Variants in ZSCAN25 observed in about 807,000 individuals in gnomAD.
The protein encoded by ZSCAN25 is zinc finger and SCAN domain-containing protein 25.
In ZSCAN25, 27 loss-of-function variants were observed where a neutral mutation model predicts 38.7. That is an observed-to-expected ratio of 0.70 (90% CI 0.51 to 0.96). The LOEUF (loss-of-function observed/expected upper bound fraction) is 0.96. ZSCAN25 is among the 40% of genes least tolerant of loss of function. The pLI is 0.00. For synonymous variants in ZSCAN25, 273 were observed against 277.7 expected, an observed-to-expected ratio of 0.98 and a Z score of 0.17; for missense variants, 637 against 705.9, an observed-to-expected ratio of 0.90 and a Z score of 1.11.
the ZSCAN25 span, chr7:99,730,821 A>G: frequency 6.0e-6 from 3 of 499,922 alleles, no homozygotes; most frequent in Non-Finnish European, 7.2e-6. Flanking sequence ...AGTTGTGAAC[A>G]TCAGATTGCT....
At chr7:99,718,634 C>G in the ZSCAN25 span, among the ~76,000 whole-genome samples, 3 of 151,908 alleles carry the variant, frequency 2.0e-5, no homozygotes, top group East Asian at 5.8e-4. Flanking sequence ...AGGAACAATT[C>G]AAAAATTCAA....
chr7:99,710,091 C>T, the ZSCAN25 span, among the ~76,000 whole-genome samples: 17 of 152,274 alleles, frequency 1.1e-4, no homozygotes, highest in Admixed American at 3.9e-4. Context: ...CCTTTGTGCT[C>T]ACCTCACTGC....
the ZSCAN25 span, chr7:99,676,079 C>T: frequency 5.8e-4 from 921 of 1,580,852 alleles, 3 homozygotes; most frequent in African/African-American, 0.011. Context: ...ATGTTTGCAA[C>T]CATAAGAAGC....
chr7:99,680,729 A>G, the ZSCAN25 span, among the ~76,000 whole-genome samples: 1 of 152,220 alleles, frequency 6.6e-6, no homozygotes, highest in Non-Finnish European at 1.5e-5. Context: ...ATGCAGCCAC[A>G]CTGTGTCCCA....
chr7:99,621,711 C>T, intron 5 of ZSCAN25, 137 bp downstream of exon 5: 1 of 630,466 alleles, frequency 1.6e-6, no homozygotes, highest in Non-Finnish European at 2.4e-6. Flanking sequence ...CTACTTCCTC[C>T]ACCTTAGGAA....
chr7:99,735,069 C>T, the ZSCAN25 span: 13 of 1,613,950 alleles, frequency 8.1e-6, no homozygotes, highest in African/African-American at 4.0e-5. Context: ...CAGGTTTCCA[C>T]GGCCAAGTTT....
the ZSCAN25 span, chr7:99,714,755 T>C: frequency 2.0e-3 from 3,146 of 1,582,188 alleles, 61 homozygotes; most frequent in African/African-American, 0.038. Flanking sequence ...CAATTCTAAT[T>C]TTCTCTACCA....
At chr7:99,737,521 A>G in the ZSCAN25 span, among the ~76,000 whole-genome samples, 1 of 152,134 alleles carries the variant, frequency 6.6e-6, no homozygotes, top group Non-Finnish European at 1.5e-5. Flanking sequence ...CGAGAGGTGC[A>G]CAGAACACAT....
the ZSCAN25 span, chr7:99,664,129 A>G: frequency 6.6e-7 from 1 of 1,520,048 alleles, no homozygotes; most frequent in Non-Finnish European, 8.9e-7. Context: ...AAAGGAAATC[A>G]TTGAAAATGC....
At chr7:99,623,294 A>G (rs895125439) in intron 6 of ZSCAN25, among the ~76,000 whole-genome samples, 1 of 152,216 alleles carries the variant, frequency 6.6e-6, no homozygotes, top group Non-Finnish European at 1.5e-5. Flanking sequence ...TGGGGCTTTC[A>G]GAAGCATTGA....
At chr7:99,680,084 C>A in the ZSCAN25 span, 1 of 594,878 alleles carries the variant, frequency 1.7e-6, no homozygotes, top group Non-Finnish European at 3.0e-6. Context: ...TCGCACACAC[C>A]CCTTTGCTGA....
chr7:99,661,452 C>G, the ZSCAN25 span, among the ~76,000 whole-genome samples: 1 of 152,142 alleles, frequency 6.6e-6, no homozygotes, highest in African/African-American at 2.4e-5. Flanking sequence ...GACAAAAAGC[C>G]AGAAGCATGG....
At chr7:99,627,729 G>A (rs993837651) in intron 7 of ZSCAN25, among the ~76,000 whole-genome samples, 4 of 149,534 alleles carry the variant, frequency 2.7e-5, no homozygotes, top group Non-Finnish European at 5.9e-5. Context: ...CGTATATCTC[G>A]TATATGCTGT....
At chr7:99,712,304 A>G in the ZSCAN25 span, among the ~76,000 whole-genome samples, 2 of 152,224 alleles carry the variant, frequency 1.3e-5, no homozygotes, top group Non-Finnish European at 1.5e-5. Flanking sequence ...GGTAAATTCA[A>G]CTATCTAATA....
At chr7:99,715,868 G>C in the ZSCAN25 span, 1 of 1,613,754 alleles carries the variant, frequency 6.2e-7, no homozygotes, top group Non-Finnish European at 8.5e-7. Context: ...TCCAAATGAT[G>C]TGCTAGTGAT....
chr7:99,643,438 TC>T, the ZSCAN25 span, among the ~76,000 whole-genome samples: 1 of 152,184 alleles, frequency 6.6e-6, no homozygotes, highest in Non-Finnish European at 1.5e-5. Context: ...CCTTTTTTTT[TC>T]ATGTTCATTT....
At position 99,630,027 on chromosome 7, in the gene ZSCAN25, C is replaced by A; in HGVS notation, c.*7C>A. ...GGAGCCGCTGGTGCAGTGAGCATAG[C>A]AGGTGGCAGGCAGCACCATCATTCA... On this transcript the variant is annotated 3_prime_UTR_variant, in exon 8 of 8. Coordinates refer to ENST00000394152, the MANE Select transcript of ZSCAN25 (RefSeq NM_145115.3). 1.3e-6 allele frequency: 2 copies of A among 1,515,774 alleles called. No homozygotes were observed. Among genetic ancestry groups the A allele is most frequent in the Non-Finnish European group, 8.8e-7 (1 of 1,131,114 alleles). The allele number at this position is 1,515,774 out of a possible 1,614,324, so 93.9% of individuals were successfully genotyped here.
the ZSCAN25 span, among the ~76,000 whole-genome samples, chr7:99,734,626 CT>C: frequency 1.2e-3 from 164 of 140,830 alleles, no homozygotes; most frequent in Middle Eastern, 3.6e-3. Context: ...TTTTTTTTCT[CT>C]TTTTTTTTTT....
the ZSCAN25 span, among the ~76,000 whole-genome samples, chr7:99,723,133 A>G: frequency 1.3e-5 from 2 of 152,162 alleles, no homozygotes; most frequent in South Asian, 4.1e-4. Flanking sequence ...AAGATTTGAC[A>G]TGGGAAAGTG....
Sources: allele counts gnomAD v4.1 joint callset (sites outside exome capture counted in the v4.1 genomes callset), GRCh38; gene constraint gnomAD v4.1.1; transcripts MANE v1.5; gene names NCBI Gene and HGNC (gene_info 2026-07-23, HGNC 2026-07-21).